The following ATRNL1 variants were observed in gnomAD, a reference collection of about 807,000 sequenced individuals.
The protein encoded by ATRNL1 is attractin-like protein 1.
ATRNL1 carries 95 observed loss-of-function variants against 182.7 expected under a neutral mutation model. The observed-to-expected ratio is 0.52, with a 90% CI of 0.44 to 0.62. The LOEUF (loss-of-function observed/expected upper bound fraction) is 0.62, where lower values mean the gene tolerates loss of function less well. ATRNL1 is among the 20% of genes least tolerant of loss of function. The probability of loss-of-function intolerance (pLI) is 0.00; values close to 1 mark genes in which losing one functional copy is unlikely to be tolerated. For synonymous variants in ATRNL1, 576 were observed against 568.3 expected, an observed-to-expected ratio of 1.01 and a Z score of -0.19; for missense variants, 1,471 against 1,679.5, an observed-to-expected ratio of 0.88 and a Z score of 2.17.
At chr10:115,676,758 G>A (rs1245984619) in intron 26 of ATRNL1, among the ~76,000 whole-genome samples, 2 of 151,922 alleles carry the variant, frequency 1.3e-5, no homozygotes, top group East Asian at 1.9e-4. Flanking sequence ...AGAAAAAAGA[G>A]TAACAGTGGA....
chr10:115,136,260 C>T (rs1370312730), intron 5 of ATRNL1, among the ~76,000 whole-genome samples: 2 of 151,808 alleles, frequency 1.3e-5, no homozygotes, highest in Non-Finnish European at 2.9e-5. Context: ...GTAGACTCAT[C>T]TGCTTCTATG....
intron 24 of ATRNL1, among the ~76,000 whole-genome samples, chr10:115,489,535 C>T (rs1192723345): frequency 7.9e-5 from 12 of 152,172 alleles, no homozygotes; most frequent in African/African-American, 2.9e-4. Flanking sequence ...TTATCAGAGA[C>T]TAGGGTTGCA....
rs117790736 is a variant in ATRNL1, at chr10:115,332,895, A to G, written c.3038-1387A>G. ...GTTGATTAGCTGTGTGACTTTGTGT[A>G]GTTGCTTAACCCAGATTTCTCCATC... On this transcript the variant is annotated intron_variant, in intron 18 of 28. Transcript: ENST00000355044. 4.1e-3 allele frequency among the ~76,000 whole-genome samples: 631 copies of G among 152,208 alleles called. 2 individuals carry two copies. Among genetic ancestry groups the G allele is most frequent in the Non-Finnish European group, 7.0e-3 (479 of 68,004 alleles).
intron 9 of ATRNL1, among the ~76,000 whole-genome samples, chr10:115,222,979 G>A (rs1849527443): frequency 6.6e-6 from 1 of 152,054 alleles, no homozygotes; most frequent in Non-Finnish European, 1.5e-5. Context: ...GTAAATTAGT[G>A]TTAAAAAGTC....
intron 27 of ATRNL1, among the ~76,000 whole-genome samples, chr10:115,783,591 A>G (rs1949321717): frequency 1.3e-5 from 2 of 152,222 alleles, no homozygotes; most frequent in South Asian, 2.1e-4. Context: ...TATTGAGATA[A>G]CCTTTGAGTT....
intron 26 of ATRNL1, among the ~76,000 whole-genome samples, chr10:115,562,016 CT>C (rs1853786405): frequency 6.6e-6 from 1 of 152,046 alleles, no homozygotes; most frequent in Non-Finnish European, 1.5e-5. Context: ...CAATTCCACT[CT>C]TAGGTGAATA....
At chr10:115,183,209 G>A (rs1485750246) in intron 8 of ATRNL1, among the ~76,000 whole-genome samples, 1 of 151,176 alleles carries the variant, frequency 6.6e-6, no homozygotes, top group Admixed American at 6.6e-5. Context: ...AAGATTTATG[G>A]GATACATTTA....
chr10:115,421,121 A>C (rs1219127684), intron 20 of ATRNL1, among the ~76,000 whole-genome samples: 1 of 152,144 alleles, frequency 6.6e-6, no homozygotes, highest in Non-Finnish European at 1.5e-5. Context: ...AATATTTAAA[A>C]ATGAACTCAT....
At chr10:115,932,838 A>G (rs1403372617) in intron 28 of ATRNL1, among the ~76,000 whole-genome samples, 1 of 152,166 alleles carries the variant, frequency 6.6e-6, no homozygotes, top group Non-Finnish European at 1.5e-5. Context: ...TATCTGTGCT[A>G]TGTAATATTA....
chr10:115,218,279 A>G (rs1414377920), intron 9 of ATRNL1, among the ~76,000 whole-genome samples: 1 of 151,880 alleles, frequency 6.6e-6, no homozygotes. Flanking sequence ...CACTGCAGAA[A>G]ACTCTGCTCC....
At chr10:115,328,904 G>A (rs1262344881) in intron 18 of ATRNL1, among the ~76,000 whole-genome samples, 2 of 152,026 alleles carry the variant, frequency 1.3e-5, no homozygotes, top group Non-Finnish European at 2.9e-5. Context: ...GTTATTGTGT[G>A]TAGTGCTGCA....
intron 27 of ATRNL1, among the ~76,000 whole-genome samples, chr10:115,781,383 CA>C (rs541271736): frequency 3.3e-5 from 5 of 151,506 alleles, no homozygotes; most frequent in Non-Finnish European, 7.4e-5. Flanking sequence ...AAGTGCTTAC[CA>C]AAAAAAACAT....
intron 18 of ATRNL1, among the ~76,000 whole-genome samples, chr10:115,319,713 CT>C (rs372815324): frequency 0.016 from 2,270 of 141,202 alleles, 28 homozygotes; most frequent in African/African-American, 0.043. Context: ...GCATCCCCTG[CT>C]TTTTTTTTTT....
At chr10:115,299,974 G>T in intron 15 of ATRNL1, 60 bp from the exon 16 acceptor site, 2 of 1,255,844 alleles carry the variant, frequency 1.6e-6, no homozygotes, top group South Asian at 1.3e-5. Context: ...ATTTGCTAAG[G>T]AATATGCCAT....
intron 26 of ATRNL1, among the ~76,000 whole-genome samples, chr10:115,610,136 A>G (rs900035133): frequency 2.6e-5 from 4 of 152,200 alleles, no homozygotes; most frequent in African/African-American, 9.6e-5. Context: ...CCCATTTTAT[A>G]AATGAAGCTT....
intron 19 of ATRNL1, among the ~76,000 whole-genome samples, chr10:115,360,857 T>C (rs968761793): frequency 2.6e-5 from 4 of 151,908 alleles, no homozygotes; most frequent in African/African-American, 9.7e-5. Flanking sequence ...TTTTTGTGTA[T>C]GGATAGAATG....
chr10:115,844,339 A>T (rs1950880179), intron 27 of ATRNL1, among the ~76,000 whole-genome samples: 1 of 152,070 alleles, frequency 6.6e-6, no homozygotes, highest in Non-Finnish European at 1.5e-5. Flanking sequence ...CAGTGGAAGA[A>T]CAAGTAGCCA....
At chr10:115,445,729 C>T (rs542721702) in intron 21 of ATRNL1, among the ~76,000 whole-genome samples, 5 of 96,794 alleles carry the variant, frequency 5.2e-5, no homozygotes, top group African/African-American at 1.2e-4. Flanking sequence ...ACATTTTTAT[C>T]GCTCCAGAAA....
intron 25 of ATRNL1, among the ~76,000 whole-genome samples, chr10:115,521,215 G>A (rs1013225926): frequency 2.0e-5 from 3 of 148,066 alleles, no homozygotes; most frequent in Non-Finnish European, 3.0e-5. Flanking sequence ...GAGCAGTGGC[G>A]CTATTTCGGC....
Sources: allele counts gnomAD v4.1 joint callset (sites outside exome capture counted in the v4.1 genomes callset), GRCh38; gene constraint gnomAD v4.1.1; transcripts MANE v1.5; gene names NCBI Gene and HGNC (gene_info 2026-07-23, HGNC 2026-07-21).